KRT73: variants seen among roughly 807,000 people sequenced by gnomAD.
The protein encoded by KRT73 is keratin 73.
Under a neutral mutation model 47.2 loss-of-function variants are expected in KRT73, and 44 were observed. That is an observed-to-expected ratio of 0.93 (90% CI 0.73 to 1.20). The LOEUF (loss-of-function observed/expected upper bound fraction) is 1.20, where lower values mean the gene tolerates loss of function less well. Among genes scored for constraint, KRT73 ranks in the 50% most tolerant of loss-of-function variants. The pLI, the probability that KRT73 is intolerant of heterozygous loss-of-function variation, is 0.00. For synonymous variants in KRT73, 285 were observed against 291.3 expected, an observed-to-expected ratio of 0.98 and a Z score of 0.22; for missense variants, 713 against 704.5, an observed-to-expected ratio of 1.01 and a Z score of -0.14.
intron 5 of KRT73, chr12:52,613,456 C>T (rs1223367142): frequency 3.1e-6 from 2 of 638,790 alleles, no homozygotes; most frequent in Non-Finnish European, 4.8e-6. Flanking sequence ...ACTCTGTTTA[C>T]ACCACATTCA....
Position 52,608,074 on chromosome 12 carries a change from G to T in KRT73, c.*122C>A. ...GAGAGGTCAAGGAGAAGGAGGAGAG[G>T]TCCACAGCAAAGCAAAGCAAGAAGG... On this transcript the variant is annotated 3_prime_UTR_variant, in exon 9 of 9. Coordinates refer to ENST00000305748, the MANE Select transcript of KRT73 (RefSeq NM_175068.3). 1.9e-6 allele frequency: 2 copies of T among 1,048,702 alleles called. No homozygotes were observed. Among genetic ancestry groups the T allele is most frequent in the Non-Finnish European group, 2.8e-6 (2 of 719,924 alleles). 65.0% of individuals were successfully genotyped at this position (1,048,702 alleles called of 1,614,324 possible). A position where few individuals can be genotyped will look rare whatever the true frequency, so the allele number is the denominator to read the frequency against.
At chr12:52,616,139 A>C (rs1234473525) in intron 2 of KRT73, 27 bp downstream of exon 2, 1 of 1,612,868 alleles carries the variant, frequency 6.2e-7, no homozygotes, top group Non-Finnish European at 8.5e-7. Flanking sequence ...TGGGAGGCAG[A>C]CCAGCCTGGA....
chr12:52,629,706 A>G, the KRT73 span, among the ~76,000 whole-genome samples: 3 of 152,238 alleles, frequency 2.0e-5, no homozygotes, highest in Non-Finnish European at 4.4e-5. Context: ...ATGAAAACAG[A>G]ATAATCAGTA....
At chr12:52,612,303 C>T (rs558274964) in intron 5 of KRT73, 4 of 152,302 alleles carry the variant, frequency 2.6e-5, no homozygotes, top group Admixed American at 6.5e-5. Context: ...TCTACTAATT[C>T]GGGATTATTT....
Position 52,618,358 on chromosome 12 carries a change from C to T in KRT73, c.167G>A (p.Ser56Asn), listed in dbSNP as rs1940854260. Residue 56 changes from serine (S) to asparagine (N), a missense_variant, in exon 1 of 9, where the codon AGC (serine) becomes AAC (asparagine). Ser to Asn is a conservative substitution (Grantham distance 46). Transcript: ENST00000305748. The part of the protein sequence containing the change: ...RSLYSLGGAR[S>N]ISFNVASGSG... ...GCCACTGGCCACATTGAAAGAGATG[C>T]TCCGGGCACCCCCCAGGCTGTAAAG... is the stretch of plus-strand genomic sequence containing the variant. 1.2e-6 allele frequency: 2 copies of T among 1,614,106 alleles called. No individual in the cohort carries two copies. The highest frequency in any genetic ancestry group is 8.5e-7 in the Non-Finnish European group (1 of 1,180,064).
chr12:52,609,268 A>T lies in KRT73; in HGVS notation c.1345T>A (p.Tyr449Asn). ...TCACAAATGCTCACGGAGTTGGTAT[A>T]TTCTCCGGACATCCTGCAAGAGAGA... Reference protein sequence around the residue: ...EGEECRMSGEYTNSVSISVIN... With the variant: ...EGEECRMSGENTNSVSISVIN... Residue 449 changes from tyrosine to asparagine, a missense_variant, in exon 8 of 9, where the codon TAT (tyrosine) becomes AAT (asparagine). Transcript: ENST00000305748. The T allele has an allele frequency of 6.2e-7, 1 of 1,613,716 alleles. No homozygotes were observed. Among genetic ancestry groups the T allele is most frequent in the Non-Finnish European group, 8.5e-7 (1 of 1,179,670 alleles).
intron 6 of KRT73, 81 bp downstream of exon 6, chr12:52,611,123 C>T (rs914098134): frequency 1.3e-6 from 2 of 1,543,390 alleles, no homozygotes; most frequent in African/African-American, 1.4e-5. Flanking sequence ...AATGGATGCT[C>T]AAGAGAAGGA....
chr12:52,618,031 G>A, intron 1 of KRT73, 47 bp downstream of exon 1: 1 of 1,580,020 alleles, frequency 6.3e-7, no homozygotes. Flanking sequence ...TCCCTCCTGA[G>A]TCCTTAAAAG....
the KRT73 span, among the ~76,000 whole-genome samples, chr12:52,629,447 C>T: frequency 6.6e-6 from 1 of 152,180 alleles, no homozygotes; most frequent in African/African-American, 2.4e-5. Context: ...GGAAGAGGAA[C>T]CCTGCAGCTC....
chr12:52,625,497 A>G, the KRT73 span, among the ~76,000 whole-genome samples: 1 of 152,236 alleles, frequency 6.6e-6, no homozygotes, highest in Non-Finnish European at 1.5e-5. Context: ...CATGCTGGCA[A>G]GGACCCAGAG....
chr12:52,623,264 A>C (rs1015823249), upstream of KRT73, among the ~76,000 whole-genome samples: 3 of 152,232 alleles, frequency 2.0e-5, no homozygotes, highest in African/African-American at 7.2e-5. Flanking sequence ...TAGGGAAAAA[A>C]CAATTTGAAG....
At chr12:52,608,977 G>A (rs560423715) in intron 8 of KRT73, among the ~76,000 whole-genome samples, 1 of 152,252 alleles carries the variant, frequency 6.6e-6, no homozygotes, top group Admixed American at 6.5e-5. Flanking sequence ...GACAGAAGAG[G>A]GGAGGGGCTG....
chr12:52,611,365 C>G, intron 5 of KRT73, 36 bp from the exon 6 acceptor site: 1 of 1,612,838 alleles, frequency 6.2e-7, no homozygotes, highest in Non-Finnish European at 8.5e-7. Context: ...AACACTGACT[C>G]AGGGCTTGGC....
At chr12:52,626,586 A>T in the KRT73 span, among the ~76,000 whole-genome samples, 1 of 152,178 alleles carries the variant, frequency 6.6e-6, no homozygotes, top group East Asian at 1.9e-4. Context: ...GTTATTTTCA[A>T]GGGAGGCTGG....
chr12:52,613,545 C>A, intron 5 of KRT73, 143 bp downstream of exon 5: 1 of 1,455,400 alleles, frequency 6.9e-7, no homozygotes, highest in South Asian at 1.4e-5. Context: ...GTCTTCTCCT[C>A]CCCTTTGGCT....
At chr12:52,611,077 G>T in intron 6 of KRT73, 127 bp downstream of exon 6, 1 of 1,230,234 alleles carries the variant, frequency 8.1e-7, no homozygotes, top group Non-Finnish European at 1.1e-6. Context: ...GGTGAGGGAT[G>T]AGAGCAGGAC....
At chr12:52,629,436 C>T in the KRT73 span, among the ~76,000 whole-genome samples, 677 of 152,230 alleles carry the variant, frequency 4.4e-3, 2 homozygotes, top group African/African-American at 0.015. Flanking sequence ...AGTTTCTACA[C>T]GGAAGAGGAA....
upstream of KRT73, among the ~76,000 whole-genome samples, chr12:52,622,660 T>C (rs1363776618): frequency 6.6e-6 from 1 of 152,124 alleles, no homozygotes; most frequent in East Asian, 1.9e-4. Flanking sequence ...ATCCCATTTC[T>C]CTCCCTTCCG....
chr12:52,630,334 G>A, the KRT73 span, among the ~76,000 whole-genome samples: 1 of 152,184 alleles, frequency 6.6e-6, no homozygotes, highest in Non-Finnish European at 1.5e-5. Flanking sequence ...CTGCACGCCT[G>A]GCCCTCCAGG....
Sources: allele counts gnomAD v4.1 joint callset (sites outside exome capture counted in the v4.1 genomes callset), GRCh38; gene constraint gnomAD v4.1.1; transcripts MANE v1.5; gene names NCBI Gene and HGNC (gene_info 2026-07-23, HGNC 2026-07-21).